Variants in CDH4 observed in about 807,000 individuals in gnomAD.
CDH4 encodes the protein cadherin-4.
In CDH4, 33 loss-of-function variants were observed where a neutral mutation model predicts 86.0. That is an observed-to-expected ratio of 0.38 (90% CI 0.29 to 0.51). The LOEUF (loss-of-function observed/expected upper bound fraction) is 0.51, where lower values mean the gene tolerates loss of function less well. Ranked by LOEUF, CDH4 falls within the 20% of genes least tolerant of loss-of-function variation. CDH4 has a pLI of 0.86. For missense variants in CDH4, 1,114 were observed against 1,307.4 expected, an observed-to-expected ratio of 0.85 and a Z score of 2.28; for synonymous variants, 555 against 549.4, an observed-to-expected ratio of 1.01 and a Z score of -0.14.
rs780850721 is a variant in CDH4 at position 61,923,528 on chromosome 20, C to T, written c.1452C>T (p.Ile484=). The T allele has an allele frequency of 1.9e-6, 3 of 1,614,112 alleles. No individual in the cohort carries two copies. The highest frequency in any genetic ancestry group is 1.6e-4 in the Middle Eastern group (1 of 6,084). The change falls in exon 10 of 16, where the codon ATC becomes ATT. Residue 484 remains isoleucine, a synonymous_variant. Transcript: ENST00000614565. The part of the protein sequence containing the change: ...VSNQAPLASG[I]QMSFQSTAGV... ...ACCAGGCGCCCCTGGCCAGCGGAAT[C>T]CAGATGTCCTTCCAGTCCACGGCAG...
At chr20:61,308,105 G>T (rs1052910564) in intron 2 of CDH4, among the ~76,000 whole-genome samples, 2 of 152,212 alleles carry the variant, frequency 1.3e-5, no homozygotes, top group African/African-American at 2.4e-5. Context: ...AAACTGCCCA[G>T]TGTGTCAGGG....
intron 2 of CDH4, among the ~76,000 whole-genome samples, chr20:61,521,187 A>C (rs1046808929): frequency 6.6e-6 from 1 of 152,220 alleles, no homozygotes; most frequent in Non-Finnish European, 1.5e-5. Context: ...GGAGGGCTGC[A>C]TATTTCTGCA....
chr20:61,906,880 G>A (rs543274347), intron 8 of CDH4, among the ~76,000 whole-genome samples: 55 of 152,204 alleles, frequency 3.6e-4, no homozygotes, highest in Admixed American at 7.8e-4. Flanking sequence ...GGCATCTCTG[G>A]AGAGGGCTCA....
At chr20:61,361,170 G>C (rs75763599) in intron 2 of CDH4, among the ~76,000 whole-genome samples, 24 of 152,254 alleles carry the variant, frequency 1.6e-4, no homozygotes, top group African/African-American at 5.5e-4. Context: ...GAGAGGGAAG[G>C]AGCCCTGAGG....
In CDH4 at chr20:61,713,473, G is replaced by A. The variant is rs1377412585; in HGVS notation, c.170-30090G>A. 5.9e-5 allele frequency among the ~76,000 whole-genome samples: 9 copies of A among 152,362 alleles called. No homozygotes were observed. The East Asian group carries it at 1.7e-3, about 29-fold the overall frequency. On this transcript the variant is annotated intron_variant, in intron 2 of 15. Coordinates refer to ENST00000614565, the MANE Select transcript of CDH4 (RefSeq NM_001794.5). ...GGCACTTTGGACACGTGTTCGTGGG[G>A]AAATCTTGGAATTCATCATGCTTGT...
rs750502799 is a variant in CDH4 at position 61,852,995 on chromosome 20, C to T, written c.877+97C>T. 3.0e-4 allele frequency: 391 copies of T among 1,300,384 alleles called. 2 individuals are homozygous for T. Among genetic ancestry groups the T allele is most frequent in the Admixed American group, 7.5e-4 (37 of 49,502 alleles). 80.6% of individuals were successfully genotyped at this position (1,300,384 alleles called of 1,614,324 possible). ...GGGAGGGCTGCTTAGTCCCCGCTAC[C>T]AGGATGGTGCCACGGGACTTGGGCG... On this transcript the variant is annotated intron_variant, in intron 6 of 15. Coordinates refer to ENST00000614565, the MANE Select transcript of CDH4 (RefSeq NM_001794.5).
At chr20:61,764,825 C>T (rs1568802925) in intron 3 of CDH4, among the ~76,000 whole-genome samples, 1 of 152,192 alleles carries the variant, frequency 6.6e-6, no homozygotes. Context: ...AGCTCACCAG[C>T]CCCTTCCATC....
chr20:61,684,559 G>A lies in CDH4; in HGVS notation c.170-59004G>A, dbSNP rs1176105997. Among the ~76,000 whole-genome samples, 1 of 152,218 alleles carries A rather than the reference G, an allele frequency of 6.6e-6. No homozygotes were observed. Among genetic ancestry groups the A allele is most frequent in the African/African-American group, 2.4e-5 (1 of 41,458 alleles). On this transcript the variant is annotated intron_variant, in intron 2 of 15. Transcript: ENST00000614565. This position sits in a 1 kb window ranked among gnomAD's most constrained non-coding sequence, Gnocchi z 4.5. ...GTCCAGCCCCCTGTGTTGTTCTGCA[G>A]CTGGGAATCCTGGGCTCCGTCCTGG...
At chr20:61,877,955 G>A (rs1003245863) in intron 7 of CDH4, among the ~76,000 whole-genome samples, 15 of 152,136 alleles carry the variant, frequency 9.9e-5, no homozygotes, top group Admixed American at 2.0e-4. Context: ...AATGAGGCCC[G>A]GCCCCAAGCA....
chr20:61,813,351 ACTGGGCCCCTCAAC>A (rs1329785059), intron 4 of CDH4, among the ~76,000 whole-genome samples: 1 of 152,180 alleles, frequency 6.6e-6, no homozygotes, highest in African/African-American at 2.4e-5. Context: ...GCTACCAAGC[ACTGGGCCCCTCAAC>A]CTGCCCCTCC....
chr20:61,935,932 T>G (rs2055177745), intron 15 of CDH4, among the ~76,000 whole-genome samples: 1 of 152,102 alleles, frequency 6.6e-6, no homozygotes, highest in Non-Finnish European at 1.5e-5. Flanking sequence ...TAGATAGGTC[T>G]TAGGAGAAAT....
intron 2 of CDH4, among the ~76,000 whole-genome samples, chr20:61,304,052 G>T (rs1023905468): frequency 6.6e-6 from 1 of 152,118 alleles, no homozygotes; most frequent in Non-Finnish European, 1.5e-5. Flanking sequence ...GGGTGGTGAT[G>T]TCCCCAGTTC....
At chr20:61,894,764 G>A (rs2122870036) in intron 7 of CDH4, 146 bp from the exon 8 acceptor site, 1 of 822,944 alleles carries the variant, frequency 1.2e-6, no homozygotes, top group Non-Finnish European at 1.9e-6. Flanking sequence ...CTTGGAAAGG[G>A]CCCTGCGCCC....
intron 2 of CDH4, among the ~76,000 whole-genome samples, chr20:61,374,549 T>A (rs1266636058): frequency 1.3e-5 from 2 of 152,210 alleles, no homozygotes; most frequent in Non-Finnish European, 2.9e-5. Context: ...TGAGATGGGA[T>A]GACGGTAGTA....
At chr20:61,351,236 G>A (rs1024805842) in intron 2 of CDH4, among the ~76,000 whole-genome samples, 5 of 52,154 alleles carry the variant, frequency 9.6e-5, no homozygotes, top group Non-Finnish European at 1.8e-4. Flanking sequence ...ACTGAACATG[G>A]ACAGATTTTT....
chr20:61,936,140 G>C (rs78296562), intron 15 of CDH4, among the ~76,000 whole-genome samples: 3,115 of 151,824 alleles, frequency 0.021, 95 homozygotes, highest in African/African-American at 0.07. Context: ...TCTGACTTCT[G>C]TCCACCCTAG....
chr20:61,512,153 T>C (rs2145614384), intron 2 of CDH4, among the ~76,000 whole-genome samples: 1 of 152,242 alleles, frequency 6.6e-6, no homozygotes, highest in Middle Eastern at 3.4e-3. Context: ...GCTCCTGTCC[T>C]GCAGCTGGGT....
intron 2 of CDH4, among the ~76,000 whole-genome samples, chr20:61,448,271 G>C (rs753261914): frequency 5.3e-5 from 8 of 152,178 alleles, no homozygotes; most frequent in Non-Finnish European, 1.2e-4. Flanking sequence ...CTGTGAAGAA[G>C]GTGCTTTTAT....
intron 3 of CDH4, among the ~76,000 whole-genome samples, chr20:61,764,772 C>G (rs1228202024): frequency 1.3e-5 from 2 of 152,212 alleles, no homozygotes; most frequent in East Asian, 1.9e-4. Flanking sequence ...CCTATCCCCA[C>G]TGCTGCCCAC....
Sources: gnomAD v4.1 joint callset for allele counts (sites outside exome capture counted in the v4.1 genomes callset) on GRCh38, gnomAD v4.1.1 for gene constraint, Gnocchi (gnomAD v3.1) non-coding constraint, MANE v1.5 for transcripts, NCBI Gene and HGNC (gene_info 2026-07-23, HGNC 2026-07-21) for gene names.